PDCD7: variants seen among roughly 807,000 people sequenced by gnomAD.
PDCD7 encodes the protein programmed cell death protein 7.
Under a neutral mutation model 42.1 loss-of-function variants are expected in PDCD7, and 40 were observed. The ratio of observed to expected loss-of-function variants is 0.95; its 90% confidence interval spans 0.74 to 1.24. PDCD7 has a LOEUF of 1.24. PDCD7 is among the 50% of genes most tolerant of loss of function. The probability of loss-of-function intolerance (pLI) is 0.00; values close to 1 mark genes in which losing one functional copy is unlikely to be tolerated. For synonymous variants in PDCD7, 299 were observed against 303.3 expected (o/e 0.99, Z 0.15); for missense variants, 644 against 662.8 (o/e 0.97, Z 0.31).
At chr15:65,125,760 A>G (rs1430572840) in intron 2 of PDCD7, among the ~76,000 whole-genome samples, 1 of 152,212 alleles carries the variant, frequency 6.6e-6, no homozygotes, top group Non-Finnish European at 1.5e-5. Context: ...GGTTCAGAGA[A>G]GCTCAAGTAA....
intron 2 of PDCD7, among the ~76,000 whole-genome samples, chr15:65,127,227 G>A (rs2087503433): frequency 6.6e-6 from 1 of 152,102 alleles, no homozygotes; most frequent in East Asian, 1.9e-4. Context: ...GGAGGCCGAG[G>A]CAGGTGGATC....
rs2087558852 is a variant in PDCD7, at chr15:65,133,276, G to A, written c.506C>T (p.Pro169Leu). 1.5e-6 allele frequency: 2 copies of A among 1,326,406 alleles called. No individual in the cohort carries two copies. Among genetic ancestry groups the A allele is most frequent in the Non-Finnish European group, 1.9e-6 (2 of 1,045,024 alleles). 82.2% of individuals were successfully genotyped at this position (1,326,406 alleles called of 1,614,324 possible). The change falls in exon 1 of 5, where the codon CCC (proline) becomes CTC (leucine). Residue 169 changes from proline (P) to leucine (L), a missense_variant. Coordinates refer to ENST00000204549, the MANE Select transcript of PDCD7 (RefSeq NM_005707.2). ...TCGCGCGCGCACTTCGCCAAGGCTG[G>A]GCCCGGCATGCGTGCGCTGGGGCAC... ...CPVPQRTHAG[P>L]SLGEVRARLL... is the part of the protein sequence containing the mutation.
At chr15:65,119,321 C>G in intron 4 of PDCD7, 55 bp downstream of exon 4, 1 of 1,200,188 alleles carries the variant, frequency 8.3e-7, no homozygotes, top group Non-Finnish European at 1.2e-6. Flanking sequence ...AGCACTTCTT[C>G]AAGTGCTTCC....
At chr15:65,126,440 CCCTT>C (rs1157976206) in intron 2 of PDCD7, among the ~76,000 whole-genome samples, 1 of 152,128 alleles carries the variant, frequency 6.6e-6, no homozygotes, top group Non-Finnish European at 1.5e-5. Flanking sequence ...TGTTCCTCCT[CCCTT>C]GTTTTCCTTC....
chr15:65,122,400 C>T (rs1417827303), intron 2 of PDCD7, among the ~76,000 whole-genome samples: 1 of 151,916 alleles, frequency 6.6e-6, no homozygotes, highest in African/African-American at 2.4e-5. Flanking sequence ...ATCCTAATCC[C>T]ATTACCATAA....
intron 1 of PDCD7, among the ~76,000 whole-genome samples, chr15:65,131,812 C>T (rs1226412736): frequency 1.3e-5 from 2 of 152,058 alleles, no homozygotes; most frequent in East Asian, 3.9e-4. Context: ...TTTACCCTGG[C>T]CCTGCTTAAA....
chr15:65,118,566 C>T lies in PDCD7; in HGVS notation c.*151G>A. On this transcript the variant is annotated 3_prime_UTR_variant, in exon 5 of 5. Transcript: ENST00000204549. Reference sequence around the variant, plus strand: ...ATTCAAGAGGCACCTCTGGCCAGCACAGAGCACAGAAGGAAAGCATAACTT... The same window carrying T: ...ATTCAAGAGGCACCTCTGGCCAGCATAGAGCACAGAAGGAAAGCATAACTT... The T allele has an allele frequency of 2.6e-6, 2 of 759,416 alleles. No homozygotes were observed. Among genetic ancestry groups the T allele is most frequent in the East Asian group, 6.3e-5 (2 of 31,722 alleles). 47.0% of individuals were successfully genotyped at this position (759,416 alleles called of 1,614,324 possible).
At chr15:65,119,988 T>C in intron 2 of PDCD7, 34 bp from the exon 3 acceptor site, 1 of 880,382 alleles carries the variant, frequency 1.1e-6, no homozygotes, top group Non-Finnish European at 1.6e-6. Flanking sequence ...ATTTTATTTA[T>C]TTTTTTTTTT....
intron 2 of PDCD7, 96 bp downstream of exon 2, chr15:65,128,936 G>T: frequency 7.1e-7 from 1 of 1,400,706 alleles, no homozygotes; most frequent in Non-Finnish European, 9.8e-7. Flanking sequence ...AAATCATGAA[G>T]TTTCAAGTAT....
At chr15:65,126,257 A>C (rs1009010107) in intron 2 of PDCD7, among the ~76,000 whole-genome samples, 9 of 151,968 alleles carry the variant, frequency 5.9e-5, no homozygotes, top group Non-Finnish European at 1.5e-5. Context: ...TTCATCTTCT[A>C]CCTTGATTTT....
intron 2 of PDCD7, 118 bp downstream of exon 2, chr15:65,128,914 C>G (rs1011833312): frequency 8.2e-7 from 1 of 1,221,300 alleles, no homozygotes; most frequent in Non-Finnish European, 1.2e-6. Context: ...GCCCAGTTAC[C>G]CGACAAGGTG....
intron 2 of PDCD7, among the ~76,000 whole-genome samples, chr15:65,120,830 C>G (rs1310009395): frequency 6.6e-6 from 1 of 152,128 alleles, no homozygotes; most frequent in Non-Finnish European, 1.5e-5. Context: ...TGCATCCAGC[C>G]CAAATGGCCT....
intron 1 of PDCD7, among the ~76,000 whole-genome samples, chr15:65,129,480 CTTG>C (rs2087522575): frequency 6.6e-6 from 1 of 152,158 alleles, no homozygotes. Context: ...TCCAACTTAC[CTTG>C]TTAAGCTGAG....
chr15:65,132,837 G>C (rs2087552309), intron 1 of PDCD7, 75 bp downstream of exon 1: 1 of 1,578,002 alleles, frequency 6.3e-7, no homozygotes, highest in Non-Finnish European at 8.6e-7. Flanking sequence ...CTGGGAAATG[G>C]AAGTTTAAAG....
Position 65,118,688 on chromosome 15 carries a change from G to A in PDCD7, c.*29C>T. On this transcript the variant is annotated 3_prime_UTR_variant, in exon 5 of 5. Transcript: ENST00000204549. ...AATATTTACAGCTGGAAAGAGCGCT[G>A]GCTGGACCACACTCCTGGAGCATCT... 6.4e-7 allele frequency: 1 copy of A among 1,573,204 alleles called. No homozygotes were observed. The highest frequency in any genetic ancestry group is 8.6e-7 in the Non-Finnish European group (1 of 1,159,730).
In PDCD7 at chr15:65,122,950, C is replaced by T. The variant is rs554548280; in HGVS notation, c.1010-2996G>A. ...CCAGAAAGCGGGGCTTACAGTGAGC[C>T]GAGATCGCACCACGGCACTCCAGCC... On this transcript the variant is annotated intron_variant, in intron 2 of 4. Transcript: ENST00000204549. Among the ~76,000 whole-genome samples, 17 of 150,912 alleles carry T rather than the reference C, an allele frequency of 1.1e-4. No homozygotes were observed. The South Asian group carries it at 1.5e-3, about 13-fold the overall frequency.
rs151318200 is a variant in PDCD7, at chr15:65,120,432, A to T, written c.1010-478T>A. Among the ~76,000 whole-genome samples, 78 of 152,258 alleles carry T rather than the reference A, an allele frequency of 5.1e-4. 1 individual carries two copies. In the East Asian group the frequency reaches 0.015, roughly 29 times the overall value. ...CTCCCTAAGTGCTGGGATTACAGGC[A>T]TGAGCCACTGTGCCTGGCCCTACCT... On this transcript the variant is annotated intron_variant, in intron 2 of 4. Transcript: ENST00000204549.
chr15:65,129,915 ATTTTTTTTTTTT>A (rs746709395), intron 1 of PDCD7, among the ~76,000 whole-genome samples: 2 of 84,956 alleles, frequency 2.4e-5, no homozygotes, highest in Non-Finnish European at 4.8e-5. Flanking sequence ...GAAACTTTGT[ATTTTTTTTTTTT>A]TTTTTTTTTT....
At chr15:65,128,470 G>A (rs749236017) in intron 2 of PDCD7, among the ~76,000 whole-genome samples, 13 of 152,158 alleles carry the variant, frequency 8.5e-5, no homozygotes, top group Non-Finnish European at 1.3e-4. Context: ...AACAAACTTC[G>A]GTGGAGAAGC....
Sources: gnomAD v4.1 joint callset for allele counts (sites outside exome capture counted in the v4.1 genomes callset) on GRCh38, gnomAD v4.1.1 for gene constraint, MANE v1.5 for transcripts, NCBI Gene and HGNC (gene_info 2026-07-23, HGNC 2026-07-21) for gene names.